Variants in HYDIN observed in about 807,000 individuals in gnomAD.
The protein encoded by HYDIN is axonemal central pair apparatus protein HYDIN.
A neutral mutation model predicts 403.9 loss-of-function variants in HYDIN; 132 were observed. That is an observed-to-expected ratio of 0.33 (90% CI 0.28 to 0.38). The LOEUF (loss-of-function observed/expected upper bound fraction) is 0.38, where lower values mean the gene tolerates loss of function less well. Among genes scored for constraint, HYDIN ranks in the 10% least tolerant of loss-of-function variants. HYDIN has a pLI of 1.00. For synonymous variants in HYDIN, 1,202 were observed against 1,891.7 expected, an observed-to-expected ratio of 0.64 and a Z score of 9.46; for missense variants, 2,827 against 5,009.5, an observed-to-expected ratio of 0.56 and a Z score of 13.15.
At chr16:71,004,660 G>A (rs1478233175) in intron 23 of HYDIN, among the ~76,000 whole-genome samples, 1 of 152,116 alleles carries the variant, frequency 6.6e-6, no homozygotes, top group Non-Finnish European at 1.5e-5. Context: ...TTGAATTAAT[G>A]AGTGTGAAAT....
chr16:70,936,636 C>T (rs1361103850), intron 44 of HYDIN, among the ~76,000 whole-genome samples: 2 of 151,476 alleles, frequency 1.3e-5, no homozygotes, highest in Non-Finnish European at 2.9e-5. Context: ...TGGGTTCAAG[C>T]AATTCTCCTG....
intron 7 of HYDIN, among the ~76,000 whole-genome samples, chr16:71,137,660 A>G (rs1159558127): frequency 6.6e-6 from 1 of 152,142 alleles, no homozygotes; most frequent in Non-Finnish European, 1.5e-5. Context: ...CAGCCTGACC[A>G]GGAGAGCAAT....
At chr16:70,820,452 T>TA (rs981553607) in intron 83 of HYDIN, among the ~76,000 whole-genome samples, 1 of 151,820 alleles carries the variant, frequency 6.6e-6, no homozygotes, top group Non-Finnish European at 1.5e-5. Flanking sequence ...GTACTAGGAT[T>TA]ACAGGTGTGA....
intron 79 of HYDIN, 146 bp from the exon 80 acceptor site, chr16:70,833,213 A>C: frequency 1.4e-6 from 1 of 693,222 alleles, no homozygotes; most frequent in African/African-American, 2.0e-5. Context: ...GATCTCTGCC[A>C]GACAGAGCAG....
At chr16:70,967,079 T>A (rs1206542254) in intron 36 of HYDIN, among the ~76,000 whole-genome samples, 1 of 151,910 alleles carries the variant, frequency 6.6e-6, no homozygotes, top group Admixed American at 6.6e-5. Context: ...AATTTTAATA[T>A]TGCTCACAAG....
chr16:71,218,767 T>C (rs2089031211), intron 1 of HYDIN, among the ~76,000 whole-genome samples: 1 of 152,222 alleles, frequency 6.6e-6, no homozygotes, highest in Non-Finnish European at 1.5e-5. Context: ...CTCCTGTTAT[T>C]GCTTTTTATT....
intron 1 of HYDIN, among the ~76,000 whole-genome samples, chr16:71,229,977 G>A (rs972599222): frequency 1.3e-5 from 2 of 152,102 alleles, no homozygotes; most frequent in African/African-American, 4.8e-5. Context: ...TGAGTCTGAC[G>A]AGATTTGATG....
chr16:71,198,625 A>T (rs530500160), intron 1 of HYDIN, among the ~76,000 whole-genome samples: 7 of 152,276 alleles, frequency 4.6e-5, no homozygotes, highest in African/African-American at 1.7e-4. Flanking sequence ...AGGGTATAAA[A>T]ACCAGGGAGG....
intron 66 of HYDIN, among the ~76,000 whole-genome samples, chr16:70,866,983 T>C (rs990990729): frequency 1.4e-5 from 2 of 145,160 alleles, no homozygotes; most frequent in African/African-American, 2.6e-5. Context: ...CGAGATTGTG[T>C]CACTGTATTC....
At chr16:71,024,288 T>C (rs1020980594) in intron 21 of HYDIN, among the ~76,000 whole-genome samples, 1 of 152,206 alleles carries the variant, frequency 6.6e-6, no homozygotes, top group Non-Finnish European at 1.5e-5. Context: ...TGGCCTTTCC[T>C]AACTCGAGCC....
intron 7 of HYDIN, among the ~76,000 whole-genome samples, chr16:71,139,095 G>C (rs9939481): frequency 2.9e-5 from 3 of 103,808 alleles, no homozygotes; most frequent in Admixed American, 1.0e-4. Flanking sequence ...AAATAAAGAA[G>C]AAAAAAAAAA....
At chr16:70,938,137 C>T (rs765130470) in intron 44 of HYDIN, among the ~76,000 whole-genome samples, 1 of 152,256 alleles carries the variant, frequency 6.6e-6, no homozygotes, top group African/African-American at 2.4e-5. Flanking sequence ...CGCCCAAGGC[C>T]AAGAAGGGGA....
At chr16:71,124,769 C>CAAAA (rs2084388210) in intron 9 of HYDIN, among the ~76,000 whole-genome samples, 1 of 149,958 alleles carries the variant, frequency 6.7e-6, no homozygotes, top group African/African-American at 2.4e-5. Flanking sequence ...CTTTTCTTTT[C>CAAAA]TTTTTACTTT....
intron 23 of HYDIN, among the ~76,000 whole-genome samples, chr16:71,006,734 G>T (rs1292650633): frequency 1.3e-5 from 2 of 151,800 alleles, no homozygotes; most frequent in African/African-American, 2.4e-5. Context: ...CCCTCTAGGG[G>T]CAGCAGGCGT....
chr16:71,052,438 T>C (rs1278135903), intron 18 of HYDIN, among the ~76,000 whole-genome samples: 1 of 151,880 alleles, frequency 6.6e-6, no homozygotes, highest in Non-Finnish European at 1.5e-5. Flanking sequence ...GCTTTCTTCA[T>C]GAAAAAAATA....
intron 23 of HYDIN, among the ~76,000 whole-genome samples, chr16:71,005,123 A>G (rs1398395): frequency 1.3e-5 from 2 of 152,114 alleles, no homozygotes; most frequent in African/African-American, 4.8e-5. Context: ...GTAATTTTTC[A>G]TAACTGTAGC....
intron 18 of HYDIN, among the ~76,000 whole-genome samples, chr16:71,057,410 C>T (rs2081935925): frequency 6.6e-6 from 1 of 152,284 alleles, no homozygotes; most frequent in South Asian, 2.1e-4. Context: ...TGATAAATGG[C>T]TGCTAACTGG....
chr16:71,126,885 C>A (rs981642889), intron 9 of HYDIN, among the ~76,000 whole-genome samples: 1 of 151,798 alleles, frequency 6.6e-6, no homozygotes, highest in South Asian at 2.1e-4. Context: ...CATTTATTTA[C>A]CTGAATCGGA....
intron 1 of HYDIN, among the ~76,000 whole-genome samples, chr16:71,200,210 C>G (rs1221486139): frequency 6.6e-6 from 1 of 152,156 alleles, no homozygotes; most frequent in Non-Finnish European, 1.5e-5. Flanking sequence ...AAGAAATAAC[C>G]CATAAAAATG....
Sources: gnomAD v4.1 joint callset for allele counts (sites outside exome capture counted in the v4.1 genomes callset) on GRCh38, gnomAD v4.1.1 for gene constraint, MANE v1.5 for transcripts, NCBI Gene and HGNC (gene_info 2026-07-23, HGNC 2026-07-21) for gene names.